Variants in PCMT1 observed in about 807,000 individuals in gnomAD.
The protein encoded by PCMT1 is protein-L-isoaspartate (D-aspartate) O-methyltransferase.
PCMT1 carries 9 observed loss-of-function variants against 29.2 expected under a neutral mutation model. The ratio of observed to expected loss-of-function variants is 0.31; its 90% CI spans 0.19 to 0.54. The LOEUF (loss-of-function observed/expected upper bound fraction) is 0.54. Ranked by LOEUF, PCMT1 falls within the 20% of genes least tolerant of loss-of-function variation. The probability of loss-of-function intolerance (pLI) is 0.95; values close to 1 mark genes in which losing one functional copy is unlikely to be tolerated. For synonymous variants in PCMT1, 98 were observed against 97.5 expected (o/e 1.00, Z -0.03); for missense variants, 184 against 282.2 (o/e 0.65, Z 2.49).
chr6:149,769,308 C>CTTTGTTTTTTTTTTTTT (rs1787214605), intron 1 of PCMT1, among the ~76,000 whole-genome samples: 2 of 71,562 alleles, frequency 2.8e-5, no homozygotes, highest in African/African-American at 1.7e-4. Flanking sequence ...GTGCAGGATT[C>CTTTGTTTTTTTTTTTTT]TTTTTTTTTT....
chr6:149,794,284 A>G (rs958041904), intron 5 of PCMT1, among the ~76,000 whole-genome samples: 3 of 152,096 alleles, frequency 2.0e-5, no homozygotes, highest in African/African-American at 7.2e-5. Flanking sequence ...TTGTGTATGA[A>G]TATCCAGTTG....
intron 1 of PCMT1, among the ~76,000 whole-genome samples, chr6:149,769,623 G>C (rs1787227957): frequency 6.6e-6 from 1 of 150,964 alleles, no homozygotes; most frequent in Non-Finnish European, 1.5e-5. Flanking sequence ...CTTGAGACAG[G>C]GGTCATGCTT....
chr6:149,787,243 G>C (rs1230591515), intron 3 of PCMT1, among the ~76,000 whole-genome samples: 1 of 123,102 alleles, frequency 8.1e-6, no homozygotes, highest in Non-Finnish European at 1.7e-5. Context: ...GTCCAGCTTC[G>C]GCTCGGCATC....
chr6:149,755,097 A>G (rs1296697034), intron 1 of PCMT1, among the ~76,000 whole-genome samples: 1 of 109,270 alleles, frequency 9.2e-6, no homozygotes, highest in Non-Finnish European at 1.8e-5. Flanking sequence ...TAAACCTGTC[A>G]TAATAAACCT....
At chr6:149,805,101 G>A (rs1225110676) in intron 7 of PCMT1, among the ~76,000 whole-genome samples, 1 of 152,102 alleles carries the variant, frequency 6.6e-6, no homozygotes, top group Admixed American at 6.6e-5. Flanking sequence ...AACTAGCCAG[G>A]CGTAGTGGTG....
intron 3 of PCMT1, among the ~76,000 whole-genome samples, chr6:149,784,963 A>T (rs1310609748): frequency 6.6e-6 from 1 of 152,054 alleles, no homozygotes; most frequent in African/African-American, 2.4e-5. Flanking sequence ...TTTTATAGTT[A>T]ATTCGCTTAA....
At chr6:149,784,930 A>G (rs1273729802) in intron 3 of PCMT1, among the ~76,000 whole-genome samples, 4 of 152,202 alleles carry the variant, frequency 2.6e-5, no homozygotes, top group Non-Finnish European at 4.4e-5. Context: ...TCCACGTTCA[A>G]AGTTTGCCAG....
chr6:149,786,062 C>T (rs1300032745), intron 3 of PCMT1, among the ~76,000 whole-genome samples: 3 of 146,720 alleles, frequency 2.0e-5, no homozygotes, highest in Non-Finnish European at 3.0e-5. Context: ...CCCTCCCGGA[C>T]GGGGTGGCTA....
Position 149,775,977 on chromosome 6 carries a change from T to G in PCMT1, c.192+2808T>G, listed in dbSNP as rs1443660447. Reference sequence around the variant, plus strand: ...GAGTTTGAGACCAGCCTCACCAACATGGAGAAACCCTGTCTCTACTAAAAA... The same window carrying G: ...GAGTTTGAGACCAGCCTCACCAACAGGGAGAAACCCTGTCTCTACTAAAAA... On this transcript the variant is annotated intron_variant, in intron 3 of 7. Transcript: ENST00000464889. Among the ~76,000 whole-genome samples the G allele has an allele frequency of 2.0e-5, 3 of 151,918 alleles. No homozygotes were observed. In the East Asian group the frequency reaches 5.9e-4, roughly 30 times the overall value.
chr6:149,789,066 A>ATG (rs1788240930), intron 3 of PCMT1, among the ~76,000 whole-genome samples: 29 of 90,502 alleles, frequency 3.2e-4, no homozygotes, highest in African/African-American at 1.4e-3. Flanking sequence ...ATTGGATCTG[A>ATG]TTTTTTTTTT....
rs1441425383 is a variant in PCMT1, at chr6:149,802,373, G to C, written c.678G>C (p.Trp226Cys). 1.9e-6 allele frequency: 3 copies of C among 1,604,588 alleles called. No individual in the cohort carries two copies. The highest frequency in any genetic ancestry group is 2.6e-6 in the Non-Finnish European group (3 of 1,174,438). ...LTDKEKQWSR[W>C]K The stretch of plus-strand genomic sequence containing the variant: ...ATAAAGAAAAGCAGTGGTCCAGGTG[G>C]AAGTGATTTTATCTTCTGCTCTTTC... The change falls in exon 7 of 8, where the codon TGG becomes TGC. Residue 226 changes from tryptophan (W) to cysteine (C), a missense_variant. Physicochemically the swap from Trp to Cys is radical, Grantham distance 215. Transcript: ENST00000464889.
intron 3 of PCMT1, among the ~76,000 whole-genome samples, chr6:149,776,075 C>G (rs1224712824): frequency 6.6e-6 from 1 of 152,038 alleles, no homozygotes; most frequent in African/African-American, 2.4e-5. Flanking sequence ...AGGAGAATCG[C>G]TTGAACCCGG....
chr6:149,793,660 C>T lies in PCMT1; in HGVS notation c.409C>T (p.Gln137Ter). 1 of 1,540,984 alleles carries T rather than the reference C, an allele frequency of 6.5e-7. No homozygotes were observed. The highest frequency in any genetic ancestry group is 8.6e-7 in the Non-Finnish European group (1 of 1,157,326). Residue 137 changes from glutamine (Q) to a stop codon, truncating the protein, a stop_gained, in exon 5 of 8, where the codon CAG (glutamine) becomes TAG (stop). Transcript: ENST00000464889. LOFTEE classifies it high-confidence loss of function. ...DPTLLSSGRVQLVVGDGRMGY... is the reference protein window; with the variant it reads ...DPTLLSSGRV ...AACACTTCTGTCTTCAGGGAGAGTA[C>T]AGCTTGTTGGTAAGTATCAGAAAAC...
chr6:149,773,533 G>A (rs1010016457), intron 3 of PCMT1, among the ~76,000 whole-genome samples: 9 of 152,076 alleles, frequency 5.9e-5, no homozygotes, highest in Non-Finnish European at 1.3e-4. Flanking sequence ...TGCCCACCAC[G>A]ATGCCCGGCT....
In PCMT1 at chr6:149,802,334, C is replaced by T. The variant is rs372615350; in HGVS notation, c.639C>T (p.Tyr213=). ...TGAAGCCTCTGATGGGGGTGATATA[C>T]GTGCCTTTAACAGATAAAGAAAAGC... ...IKMKPLMGVI[Y]VPLTDKEKQW... Residue 213 remains tyrosine, a synonymous_variant, in exon 7 of 8, where the codon TAC becomes TAT. Coordinates refer to ENST00000464889, the MANE Select transcript of PCMT1 (RefSeq NM_001360452.2). 21 of 1,613,364 alleles carry T rather than the reference C, an allele frequency of 1.3e-5. No individual in the cohort carries two copies. Among genetic ancestry groups the T allele is most frequent in the East Asian group, 4.5e-5 (2 of 44,862 alleles).
chr6:149,803,380 C>T (rs530208102), intron 7 of PCMT1, among the ~76,000 whole-genome samples: 1 of 152,232 alleles, frequency 6.6e-6, no homozygotes, highest in South Asian at 2.1e-4. Context: ...CCAATGAGTG[C>T]CCAGGTCTCA....
intron 4 of PCMT1, among the ~76,000 whole-genome samples, chr6:149,792,045 TG>T (rs1254887409): frequency 6.6e-6 from 1 of 152,242 alleles, no homozygotes; most frequent in Non-Finnish European, 1.5e-5. Flanking sequence ...CCGGGTGTGG[TG>T]GCTCACGCCT....
intron 1 of PCMT1, among the ~76,000 whole-genome samples, chr6:149,767,504 G>A (rs1224280459): frequency 1.3e-5 from 2 of 152,018 alleles, no homozygotes. Context: ...CCAGGCTAGG[G>A]TGCAGTGGCA....
At position 149,762,851 on chromosome 6, in the gene PCMT1, T is replaced by A. The variant is rs1259796316; in HGVS notation, c.56-8311T>A. Among the ~76,000 whole-genome samples, 2 of 55,052 alleles carry A rather than the reference T, an allele frequency of 3.6e-5. 1 individual carries two copies. Among genetic ancestry groups the A allele is most frequent in the Non-Finnish European group, 5.0e-5 (2 of 40,104 alleles). 36.1% of individuals were successfully genotyped at this position (55,052 alleles called of 152,430 possible). A position where few individuals can be genotyped will look rare whatever the true frequency, so the allele number is the denominator to read the frequency against. On this transcript the variant is annotated intron_variant, in intron 1 of 7. Coordinates refer to ENST00000464889, the MANE Select transcript of PCMT1 (RefSeq NM_001360452.2). ...ATATATGATATATATATCTATGATATATATCTATGATATATATATCTATGA... is the reference window on the plus strand; with the variant it reads ...ATATATGATATATATATCTATGATAAATATCTATGATATATATATCTATGA...
Sources: gnomAD v4.1 joint callset for allele counts (sites outside exome capture counted in the v4.1 genomes callset) on GRCh38, gnomAD v4.1.1 for gene constraint, MANE v1.5 for transcripts, NCBI Gene and HGNC (gene_info 2026-07-23, HGNC 2026-07-21) for gene names.